The following ELF2 variants were observed in gnomAD, a reference collection of about 807,000 sequenced individuals.
The protein encoded by ELF2 is E74 like ETS transcription factor 2.
A neutral mutation model predicts 54.8 loss-of-function variants in ELF2; 11 were observed. The ratio of observed to expected loss-of-function variants is 0.20; its 90% confidence interval spans 0.13 to 0.33. The LOEUF is 0.33. Ranked by LOEUF, ELF2 falls within the 10% of genes least tolerant of loss-of-function variation. ELF2 has a pLI of 1.00. For synonymous variants in ELF2, 203 were observed against 245.1 expected (o/e 0.83, Z 1.61); for missense variants, 513 against 703.0 (o/e 0.73, Z 3.06).
upstream of ELF2, among the ~76,000 whole-genome samples, chr4:139,177,761 C>A (rs1404037312): frequency 6.6e-6 from 1 of 152,148 alleles, no homozygotes; most frequent in African/African-American, 2.4e-5. Context: ...CCGCAGGCCC[C>A]GCCGTCACCG....
In ELF2 at chr4:139,059,610, A is replaced by G; in HGVS notation, c.1158-3T>C. 6.2e-7 allele frequency: 1 copy of G among 1,601,564 alleles called. No homozygotes were observed. The highest frequency in any genetic ancestry group is 1.3e-5 in the African/African-American group (1 of 74,710). On this transcript the variant is annotated splice_polypyrimidine_tract_variant and splice_region_variant and intron_variant, in intron 9 of 9. Coordinates refer to ENST00000686138, the MANE Select transcript of ELF2 (RefSeq NM_001331036.3). ...CCTGCATTGCCACACGAACTGTCCT[A>G]GTACATTAGAAAGAAAAAAGCTGAT... is the stretch of plus-strand genomic sequence containing the variant.
chr4:139,085,710 A>G (rs1731908969), intron 4 of ELF2, among the ~76,000 whole-genome samples: 1 of 152,212 alleles, frequency 6.6e-6, no homozygotes, highest in South Asian at 2.1e-4. Context: ...TCTTTCTTGA[A>G]TTAGGTAAAC....
intron 4 of ELF2, among the ~76,000 whole-genome samples, chr4:139,078,743 A>T (rs1417893666): frequency 6.6e-6 from 1 of 152,088 alleles, no homozygotes; most frequent in Non-Finnish European, 1.5e-5. Context: ...GTACAGACCT[A>T]AACAACACTG....
chr4:139,072,239 TAA>T, intron 5 of ELF2, 200 bp from the exon 6 acceptor site: 1 of 530,490 alleles, frequency 1.9e-6, no homozygotes, highest in Non-Finnish European at 3.2e-6. Flanking sequence ...AAAATCAACT[TAA>T]AGGAAAAATG....
At chr4:139,127,913 C>T (rs1737088019) in intron 3 of ELF2, among the ~76,000 whole-genome samples, 1 of 148,916 alleles carries the variant, frequency 6.7e-6, no homozygotes, top group African/African-American at 2.5e-5. Context: ...TGCAGTGAGA[C>T]AGGATCACAC....
At chr4:139,081,906 T>A (rs2315486) in intron 4 of ELF2, among the ~76,000 whole-genome samples, 44,703 of 152,020 alleles carry the variant, frequency 0.29, 6,720 homozygotes, top group Middle Eastern at 0.35. Flanking sequence ...ACATATTCTT[T>A]ACAGAACATT....
chr4:139,111,520 G>C (rs1404077560), intron 4 of ELF2, among the ~76,000 whole-genome samples: 3 of 149,178 alleles, frequency 2.0e-5, no homozygotes, highest in African/African-American at 7.5e-5. Context: ...TACAGACAAG[G>C]TCTCAATATA....
intron 4 of ELF2, among the ~76,000 whole-genome samples, chr4:139,098,996 A>G (rs191367450): frequency 2.0e-5 from 3 of 152,336 alleles, no homozygotes; most frequent in Non-Finnish European, 2.9e-5. Flanking sequence ...AAATTGGTCA[A>G]GTTTAGTTTA....
intron 4 of ELF2, among the ~76,000 whole-genome samples, chr4:139,120,817 C>T (rs1736235746): frequency 1.3e-5 from 2 of 152,146 alleles, no homozygotes. Flanking sequence ...AGTCATAGCA[C>T]TTAATGAAAT....
intron 8 of ELF2, among the ~76,000 whole-genome samples, 190 bp from the exon 9 acceptor site, chr4:139,060,864 T>G: frequency 6.6e-6 from 1 of 152,222 alleles, no homozygotes; most frequent in African/African-American, 2.4e-5. Context: ...AGGAATCAAG[T>G]TGGAACCTGG....
chr4:139,115,276 G>T (rs1015226375), intron 4 of ELF2: 8 of 1,601,566 alleles, frequency 5.0e-6, no homozygotes, highest in East Asian at 4.5e-5. Context: ...GGTCCCGGGG[G>T]GGGCTCTGAA....
chr4:139,114,797 T>C (rs1186919318), intron 4 of ELF2: 4 of 1,499,290 alleles, frequency 2.7e-6, no homozygotes, highest in Middle Eastern at 2.5e-4. Flanking sequence ...AAGAGACCCC[T>C]GGGCCAGGGG....
chr4:139,099,538 CA>C (rs1733652796), intron 4 of ELF2, among the ~76,000 whole-genome samples: 2 of 152,208 alleles, frequency 1.3e-5, no homozygotes, highest in Admixed American at 1.3e-4. Flanking sequence ...ATCCTATCCT[CA>C]AAAAGCAGTC....
At position 139,163,734 on chromosome 4, in the gene ELF2, T is replaced by C. The variant is rs1188613948; in HGVS notation, c.-252+13233A>G. ...TTCAAGACCAGCCTGTTCAACACAA[T>C]GAAACCCCGTCTCTACAAAAAATAC... On this transcript the variant is annotated intron_variant, in intron 1 of 9. Coordinates refer to ENST00000686138, the MANE Select transcript of ELF2 (RefSeq NM_001331036.3). Among the ~76,000 whole-genome samples the C allele has an allele frequency of 3.3e-5, 5 of 151,844 alleles. No individual in the cohort carries two copies. In the East Asian group the frequency reaches 7.7e-4, roughly 23 times the overall value.
intron 4 of ELF2, chr4:139,115,471 G>C: frequency 2.2e-6 from 2 of 898,894 alleles, no homozygotes; most frequent in Non-Finnish European, 2.7e-6. Context: ...CCGCGGCGAG[G>C]GCAGCGGCGG....
At chr4:139,167,923 T>C (rs750518878) in intron 1 of ELF2, among the ~76,000 whole-genome samples, 1 of 152,226 alleles carries the variant, frequency 6.6e-6, no homozygotes, top group Non-Finnish European at 1.5e-5. Context: ...CGTAGCTTTT[T>C]CACTTGGCAA....
chr4:139,131,076 G>A lies in ELF2; in HGVS notation c.73-5747C>T, dbSNP rs147356596. ...AGGTTATTTTACTTAGCATTACTTT[G>A]CTCAAGTCACCATGGGTCTTGGCAC... On this transcript the variant is annotated intron_variant, in intron 3 of 9. Transcript: ENST00000686138. 5.9e-5 allele frequency among the ~76,000 whole-genome samples: 9 copies of A among 152,218 alleles called. No individual in the cohort carries two copies. The East Asian group carries it at 1.7e-3, about 29-fold the overall frequency.
At chr4:139,141,697 C>T (rs767984520) in intron 1 of ELF2, among the ~76,000 whole-genome samples, 6 of 152,184 alleles carry the variant, frequency 3.9e-5, no homozygotes, top group Non-Finnish European at 8.8e-5. Flanking sequence ...ACCTTTAAAG[C>T]ACAGGTCTTT....
intron 1 of ELF2, among the ~76,000 whole-genome samples, chr4:139,164,735 ATGTT>A (rs1158856981): frequency 4.6e-5 from 7 of 152,196 alleles, no homozygotes; most frequent in African/African-American, 7.2e-5. Context: ...AGAGGTTTTT[ATGTT>A]TATTTCAGAA....
Sources: gnomAD v4.1 joint callset for allele counts (sites outside exome capture counted in the v4.1 genomes callset) on GRCh38, gnomAD v4.1.1 for gene constraint, MANE v1.5 for transcripts, NCBI Gene and HGNC (gene_info 2026-07-23, HGNC 2026-07-21) for gene names.